The following PDE3B variants were observed in gnomAD, a reference collection of about 807,000 sequenced individuals.
PDE3B encodes the protein phosphodiesterase 3B, also known as cGMP-inhibited 3',5'-cyclic phosphodiesterase 3B.
PDE3B carries 66 observed loss-of-function variants against 116.8 expected under a neutral mutation model. The observed-to-expected ratio is 0.56, with a 90% CI of 0.46 to 0.69. The LOEUF is 0.69. PDE3B is among the 30% of genes least tolerant of loss of function. PDE3B has a pLI of 0.00. For synonymous variants in PDE3B, 595 were observed against 533.6 expected (o/e 1.12, Z -1.59); for missense variants, 1,384 against 1,368.1 (o/e 1.01, Z -0.18).
intron 5 of PDE3B, among the ~76,000 whole-genome samples, chr11:14,815,146 T>A (rs1859284006): frequency 6.6e-6 from 1 of 151,380 alleles, no homozygotes; most frequent in Admixed American, 6.6e-5. Context: ...AAAAAAAAAG[T>A]CATATAAAAA....
chr11:14,810,585 G>A (rs1231271072), intron 5 of PDE3B, among the ~76,000 whole-genome samples: 9 of 151,450 alleles, frequency 5.9e-5, no homozygotes, highest in African/African-American at 1.9e-4. Context: ...CATTTGGGTC[G>A]GTTCCAAGTC....
At chr11:14,723,271 G>C (rs1281516503) in intron 1 of PDE3B, among the ~76,000 whole-genome samples, 4 of 152,188 alleles carry the variant, frequency 2.6e-5, no homozygotes, top group Admixed American at 6.5e-5. Context: ...AGAAATTCAT[G>C]TGTTAAACAT....
intron 1 of PDE3B, among the ~76,000 whole-genome samples, chr11:14,678,015 G>T (rs568049098): frequency 9.9e-5 from 15 of 152,160 alleles, no homozygotes; most frequent in African/African-American, 3.4e-4. Flanking sequence ...TGCAACCTCC[G>T]CCTCCCAGGT....
chr11:14,676,614 C>T (rs758751471), intron 1 of PDE3B, among the ~76,000 whole-genome samples: 5 of 152,134 alleles, frequency 3.3e-5, no homozygotes, highest in Non-Finnish European at 7.4e-5. Context: ...TTTATAAACA[C>T]TGAACACTTA....
chr11:14,725,309 CTCTTTCTTTCTTTCTTTCTTTT>C (rs1319434608), intron 1 of PDE3B, among the ~76,000 whole-genome samples: 2 of 147,312 alleles, frequency 1.4e-5, no homozygotes, highest in Non-Finnish European at 3.0e-5. Flanking sequence ...TTCTTTCTTT[CTCTTTCTTTCTTTCTTTCTTTT>C]TCTTTCTTTC....
the PDE3B span, chr11:14,878,985 G>A: frequency 1.3e-6 from 1 of 764,268 alleles, no homozygotes; most frequent in East Asian, 2.7e-5. Context: ...TCTCCTGTTA[G>A]AATCAGTTCT....
intron 4 of PDE3B, among the ~76,000 whole-genome samples, chr11:14,799,769 T>C (rs1858685517): frequency 6.6e-6 from 1 of 151,370 alleles, no homozygotes; most frequent in South Asian, 2.1e-4. Context: ...TTTTTTTTTT[T>C]TTTTTTGCTT....
At chr11:14,855,078 A>G (rs1484804983) in intron 12 of PDE3B, among the ~76,000 whole-genome samples, 1 of 152,198 alleles carries the variant, frequency 6.6e-6, no homozygotes, top group African/African-American at 2.4e-5. Flanking sequence ...TTACTGCAGG[A>G]AATTTTAAAA....
chr11:14,780,784 A>C (rs1018120280), intron 2 of PDE3B, among the ~76,000 whole-genome samples: 7 of 152,226 alleles, frequency 4.6e-5, no homozygotes, highest in African/African-American at 1.7e-4. Flanking sequence ...ACACATTCAA[A>C]AGCTAGCAGA....
intron 14 of PDE3B, among the ~76,000 whole-genome samples, chr11:14,863,036 G>T (rs1337714775): frequency 6.6e-6 from 1 of 151,536 alleles, no homozygotes; most frequent in East Asian, 1.9e-4. Flanking sequence ...CCCTCCTCTA[G>T]CCCCCTACCC....
chr11:14,864,202 C>A (rs1416380283), intron 14 of PDE3B, among the ~76,000 whole-genome samples: 2 of 152,052 alleles, frequency 1.3e-5, no homozygotes, highest in East Asian at 1.9e-4. Context: ...CAGAAAAAGA[C>A]CAAGAAGGGC....
chr11:14,830,038 C>T lies in PDE3B; in HGVS notation c.1808-660C>T, dbSNP rs193214011. ...TCACTAAACATTATATTTTTAAGTA[C>T]CATCCATATTGTAGTTCATTCTCTT... On this transcript the variant is annotated intron_variant, in intron 7 of 15. Coordinates refer to ENST00000282096, the MANE Select transcript of PDE3B (RefSeq NM_000922.4). 6.9e-3 allele frequency among the ~76,000 whole-genome samples: 1,053 copies of T among 152,108 alleles called. 14 individuals carry two copies. Among genetic ancestry groups the T allele is most frequent in the South Asian group, 0.02 (95 of 4,812 alleles).
intron 1 of PDE3B, among the ~76,000 whole-genome samples, chr11:14,768,895 G>A (rs929025129): frequency 5.3e-5 from 8 of 151,462 alleles, no homozygotes; most frequent in African/African-American, 1.9e-4. Context: ...TGGAATTCCT[G>A]GGTCATTCAT....
At chr11:14,803,861 CT>C (rs1206352079) in intron 4 of PDE3B, 82 bp from the exon 5 acceptor site, 1 of 786,494 alleles carries the variant, frequency 1.3e-6, no homozygotes, top group African/African-American at 1.7e-5. Context: ...GATATATTTG[CT>C]AATTAAATTG....
intron 1 of PDE3B, among the ~76,000 whole-genome samples, chr11:14,735,866 G>A (rs16930500): frequency 0.13 from 20,354 of 152,008 alleles, 1,576 homozygotes; most frequent in African/African-American, 0.21. Flanking sequence ...TAGTCTGGAT[G>A]AATCACATAG....
Position 14,787,884 on chromosome 11 carries a change from T to C in PDE3B, c.1278+1199T>C, listed in dbSNP as rs144702716. ...TTCTGTTGATATTTGATACTCAGGA[T>C]AGTAATTTTTAAAAATAGTAATTCT... On this transcript the variant is annotated intron_variant, in intron 3 of 15. Transcript: ENST00000282096. Among the ~76,000 whole-genome samples the C allele has an allele frequency of 5.9e-3, 901 of 151,982 alleles. 6 individuals are homozygous for C. The highest frequency in any genetic ancestry group is 0.021 in the African/African-American group (861 of 41,534).
At chr11:14,693,820 A>G (rs937633326) in intron 1 of PDE3B, among the ~76,000 whole-genome samples, 1 of 152,176 alleles carries the variant, frequency 6.6e-6, no homozygotes. Context: ...TGACTTTCAA[A>G]TCTTATTATT....
Position 14,728,634 on chromosome 11 carries a change from T to C in PDE3B, c.979-43303T>C, listed in dbSNP as rs111844743. Among the ~76,000 whole-genome samples the C allele has an allele frequency of 4.5e-3, 689 of 152,210 alleles. 9 individuals are homozygous for C. The highest frequency in any genetic ancestry group is 0.016 in the African/African-American group (672 of 41,544). On this transcript the variant is annotated intron_variant, in intron 1 of 15. Transcript: ENST00000282096. ...ATCATATAGATAAGTAGAACTAGGA[T>C]TGAAATCTAGATCTACTTGATACTT...
At chr11:14,791,732 T>C (rs1233911249) in intron 4 of PDE3B, among the ~76,000 whole-genome samples, 1 of 152,120 alleles carries the variant, frequency 6.6e-6, no homozygotes, top group Non-Finnish European at 1.5e-5. Flanking sequence ...AATAAAACTG[T>C]GATTGCAGTT....
Sources: allele counts gnomAD v4.1 joint callset (sites outside exome capture counted in the v4.1 genomes callset), GRCh38; gene constraint gnomAD v4.1.1; transcripts MANE v1.5; gene names NCBI Gene and HGNC (gene_info 2026-07-23, HGNC 2026-07-21).